Variants in TBL1X observed in about 807,000 individuals in gnomAD.
TBL1X encodes transducin beta like 1 X-linked, also known as F-box-like/WD repeat-containing protein TBL1X.
A neutral mutation model predicts 50.7 loss-of-function variants in TBL1X; 10 were observed. The ratio of observed to expected loss-of-function variants is 0.20; its 90% CI spans 0.12 to 0.33. TBL1X has a LOEUF of 0.33. TBL1X is among the 10% of genes least tolerant of loss of function. The pLI is 1.00. For synonymous variants in TBL1X, 190 were observed against 214.7 expected (o/e 0.88, Z 1.01); for missense variants, 340 against 504.4 (o/e 0.67, Z 3.12).
intron 6 of TBL1X, among the ~76,000 whole-genome samples, chrX:9,686,922 C>T (rs937839397): frequency 8.9e-6 from 1 of 112,381 alleles, no homozygotes; most frequent in African/African-American, 3.2e-5. Flanking sequence ...TAGTTCTTTA[C>T]ATAGGTTGTA....
At chrX:9,545,094 C>T (rs977258448) in intron 2 of TBL1X, among the ~76,000 whole-genome samples, 2 of 102,553 alleles carry the variant, frequency 2.0e-5, no homozygotes, top group Non-Finnish European at 3.9e-5. Context: ...GCAACCTCTG[C>T]CTCCTGGGTT....
At position 9,485,326 on chromosome X, in the gene TBL1X, T is replaced by C. The variant is rs1005664453; in HGVS notation, c.-200-16454T>C. On this transcript the variant is annotated intron_variant, in intron 1 of 17. Coordinates refer to ENST00000645353, the MANE Select transcript of TBL1X (RefSeq NM_005647.4). ...GTTTGTTAGTTGTTCCAGGTATTTCTCTTCTAGACCATTCCTTGCCATGTA... is the reference window on the plus strand; with the variant it reads ...GTTTGTTAGTTGTTCCAGGTATTTCCCTTCTAGACCATTCCTTGCCATGTA... Among the ~76,000 whole-genome samples the C allele has an allele frequency of 2.7e-5, 3 of 112,457 alleles. No homozygotes were observed. In the Admixed American group the frequency reaches 2.8e-4, roughly 11 times the overall value.
intron 16 of TBL1X, among the ~76,000 whole-genome samples, chrX:9,714,690 C>T (rs1340865583): frequency 1.8e-5 from 2 of 112,427 alleles, no homozygotes; most frequent in East Asian, 2.8e-4. Context: ...TGGCAGATTC[C>T]GCAGGCATAA....
intron 1 of TBL1X, among the ~76,000 whole-genome samples, chrX:9,485,947 T>C (rs749011078): frequency 9.0e-6 from 1 of 111,190 alleles, no homozygotes; most frequent in Admixed American, 9.6e-5. Flanking sequence ...GTAATACTTT[T>C]GGTCAACCAT....
intron 2 of TBL1X, among the ~76,000 whole-genome samples, chrX:9,554,481 T>C (rs2082285721): frequency 8.9e-6 from 1 of 112,398 alleles, no homozygotes; most frequent in South Asian, 3.6e-4. Context: ...TTGGGTATAA[T>C]TTGAATTAGA....
At chrX:9,659,779 C>T (rs894805383) in intron 5 of TBL1X, among the ~76,000 whole-genome samples, 9 of 111,870 alleles carry the variant, frequency 8.0e-5, no homozygotes, top group African/African-American at 2.9e-4. Context: ...CTCTGCCTGT[C>T]GCACAAGGCA....
intron 2 of TBL1X, among the ~76,000 whole-genome samples, chrX:9,620,687 C>T (rs1001579414): frequency 8.9e-6 from 1 of 111,892 alleles, no homozygotes; most frequent in African/African-American, 3.2e-5. Flanking sequence ...ACAGGCCAGG[C>T]CAGCATGGTG....
rs774181046 is a variant in TBL1X, at chrX:9,546,803, ATTTTTTTTTTTTT to A, written c.-131+44975_-131+44987del. The stretch of plus-strand genomic sequence containing the variant: ...ATCACTATGGATTCATTTATTCTTA[ATTTTTTTTTTTTT>A]TTTTTTTTTTTTTTTTTTTTGAGAC... On this transcript the variant is annotated intron_variant, in intron 2 of 17. Transcript: ENST00000645353. Among the ~76,000 whole-genome samples, 7 of 44,982 alleles carry A rather than the reference ATTTTTTTTTTTTT, an allele frequency of 1.6e-4. No homozygotes were observed. In the East Asian group the frequency reaches 3.1e-3, roughly 20 times the overall value. The allele number at this position is 44,982 out of a possible 115,157, so 39.1% of individuals were successfully genotyped here.
chrX:9,706,115 G>A (rs962393682), intron 13 of TBL1X, among the ~76,000 whole-genome samples: 1 of 111,634 alleles, frequency 9.0e-6, no homozygotes, highest in Non-Finnish European at 1.9e-5. Flanking sequence ...CACCTCCCAC[G>A]AGGCCCCACC....
At position 9,705,259 on chromosome X, in the gene TBL1X, C is replaced by T. The variant is rs927239330; in HGVS notation, c.1236+145C>T. On this transcript the variant is annotated intron_variant, in intron 13 of 17. Coordinates refer to ENST00000645353, the MANE Select transcript of TBL1X (RefSeq NM_005647.4). ...GCTATTTGAGCTGTCATGGTTACCC[C>T]ATGGTAACCATGGTGGTTGGATTGA... The T allele has an allele frequency of 1.1e-5, 11 of 975,134 alleles. No homozygotes were observed. The Admixed American group carries it at 2.2e-4, about 19-fold the overall frequency. The allele number at this position is 975,134 out of a possible 1,213,427, so 80.4% of individuals were successfully genotyped here. A position where few individuals can be genotyped will look rare whatever the true frequency, so the allele number is the denominator to read the frequency against.
chrX:9,626,154 G>A (rs920967633), intron 2 of TBL1X, among the ~76,000 whole-genome samples: 2 of 111,253 alleles, frequency 1.8e-5, no homozygotes, highest in African/African-American at 3.3e-5. Context: ...CACGTGTCGC[G>A]TGTGTCTCTT....
In TBL1X at chrX:9,711,341, CAA is replaced by C. The variant is rs35046287; in HGVS notation, c.1440-256_1440-255del. On this transcript the variant is annotated intron_variant, in intron 15 of 17. Coordinates refer to ENST00000645353, the MANE Select transcript of TBL1X (RefSeq NM_005647.4). ...TGGGCAACACAGTAAGACCCCATCT[CAA>C]AAAAAAAAAAAAAGGTGCAGAAACA... Among the ~76,000 whole-genome samples the C allele has an allele frequency of 7.2e-4, 55 of 76,324 alleles. 1 individual carries two copies. Among genetic ancestry groups the C allele is most frequent in the Non-Finnish European group, 8.4e-4 (33 of 39,237 alleles). 66.3% of individuals were successfully genotyped at this position (76,324 alleles called of 115,157 possible).
intron 1 of TBL1X, among the ~76,000 whole-genome samples, chrX:9,466,118 C>T (rs2081772276): frequency 9.2e-6 from 1 of 108,872 alleles, no homozygotes; most frequent in Admixed American, 9.5e-5. Context: ...CGTCGAGGGT[C>T]TGCAGAGCGC....
At chrX:9,547,875 C>T (rs985897129) in intron 2 of TBL1X, among the ~76,000 whole-genome samples, 1 of 99,740 alleles carries the variant, frequency 1.0e-5, no homozygotes, top group East Asian at 3.1e-4. Context: ...CTCTCAAGCC[C>T]AACTCCACAG....
intron 11 of TBL1X, among the ~76,000 whole-genome samples, chrX:9,694,649 T>G (rs943724837): frequency 9.0e-6 from 1 of 110,749 alleles, no homozygotes; most frequent in African/African-American, 3.3e-5. Context: ...GAGTCAGAGC[T>G]CTCTGTTCTT....
intron 12 of TBL1X, among the ~76,000 whole-genome samples, chrX:9,702,462 T>C (rs2083179937): frequency 1.0e-5 from 1 of 95,449 alleles, no homozygotes; most frequent in Non-Finnish European, 2.1e-5. Context: ...AAAAAAAAAC[T>C]GGGCATGGTG....
chrX:9,577,562 G>T (rs2082418771), intron 2 of TBL1X, among the ~76,000 whole-genome samples: 1 of 112,172 alleles, frequency 8.9e-6, no homozygotes, highest in Non-Finnish European at 1.9e-5. Context: ...GACAGTGGGT[G>T]CTTCTGGCAT....
In TBL1X at chrX:9,666,470, AT is replaced by A. The variant is rs199744734; in HGVS notation, c.211+12151del. 7.5e-3 allele frequency among the ~76,000 whole-genome samples: 845 copies of A among 112,219 alleles called. 8 individuals are homozygous for A. Among genetic ancestry groups the A allele is most frequent in the African/African-American group, 0.026 (799 of 30,873 alleles). On this transcript the variant is annotated intron_variant, in intron 5 of 17. Transcript: ENST00000645353. ...GTCAGAAAAATAGAAACATTAATGC[AT>A]TTAGGTCACGTGACTCTAATCTTTG...
At chrX:9,600,327 GA>G (rs2082548733) in intron 2 of TBL1X, among the ~76,000 whole-genome samples, 1 of 108,754 alleles carries the variant, frequency 9.2e-6, no homozygotes, top group Non-Finnish European at 1.9e-5. Flanking sequence ...TGGAAGGGGT[GA>G]GAGCGCTCTC....
Sources: allele counts gnomAD v4.1 joint callset (sites outside exome capture counted in the v4.1 genomes callset), GRCh38; gene constraint gnomAD v4.1.1; transcripts MANE v1.5; gene names NCBI Gene and HGNC (gene_info 2026-07-23, HGNC 2026-07-21).